The following TBC1D32 variants were observed in gnomAD, a reference collection of about 807,000 sequenced individuals.
The protein encoded by TBC1D32 is protein broad-minded.
TBC1D32 carries 151 observed loss-of-function variants against 170.3 expected under a neutral mutation model. The observed-to-expected ratio is 0.89, with a 90% CI of 0.78 to 1.01. The LOEUF (loss-of-function observed/expected upper bound fraction) is 1.01. Among genes scored for constraint, TBC1D32 ranks in the 50% least tolerant of loss-of-function variants. The pLI, the probability that TBC1D32 is intolerant of heterozygous loss-of-function variation, is 0.00. For synonymous variants in TBC1D32, 498 were observed against 488.0 expected (o/e 1.02, Z -0.27); for missense variants, 1,464 against 1,457.1 (o/e 1.00, Z -0.08).
chr6:121,122,989 G>T (rs2064773590), intron 26 of TBC1D32, among the ~76,000 whole-genome samples: 1 of 152,074 alleles, frequency 6.6e-6, no homozygotes. Context: ...AGAGGAATGA[G>T]TGGGTTAGAT....
Position 121,106,021 on chromosome 6 carries a change from A to G in TBC1D32, c.3465+2T>C. 6.2e-7 allele frequency: 1 copy of G among 1,603,200 alleles called. No homozygotes were observed. Among genetic ancestry groups the G allele is most frequent in the Non-Finnish European group, 8.5e-7 (1 of 1,172,770 alleles). On this transcript the variant is annotated splice_donor_variant, in intron 30 of 31. Coordinates refer to ENST00000398212, the MANE Select transcript of TBC1D32 (RefSeq NM_152730.6). LOFTEE classifies it high-confidence loss of function. The stretch of plus-strand genomic sequence containing the variant: ...GAGAAATGCTACTCCCTTATGGATT[A>G]CCTGTGATGGTGCAAAACCAGACAT...
chr6:121,321,535 C>T, intron 2 of TBC1D32, 98 bp downstream of exon 2: 1 of 1,141,920 alleles, frequency 8.8e-7, no homozygotes, highest in South Asian at 1.8e-5. Context: ...ATTCTGGCTG[C>T]TATGAGGGAA....
At chr6:121,195,275 C>T (rs191576476) in intron 22 of TBC1D32, among the ~76,000 whole-genome samples, 1 of 152,318 alleles carries the variant, frequency 6.6e-6, no homozygotes, top group African/African-American at 2.4e-5. Context: ...CTTAAGATAT[C>T]TGTTACAGAT....
intron 26 of TBC1D32, among the ~76,000 whole-genome samples, chr6:121,121,046 T>C (rs1780206107): frequency 6.6e-6 from 1 of 151,872 alleles, no homozygotes; most frequent in South Asian, 2.1e-4. Context: ...ATATAGTATG[T>C]GTATATATAT....
Position 121,286,359 on chromosome 6 carries a change from G to A in TBC1D32, c.1373-2449C>T, listed in dbSNP as rs139319148. ...GACGAATGCACAAGCCTCAGTAGCCGATTTGATCAACTGGAAGAAACGGTA... is the reference window on the plus strand; with the variant it reads ...GACGAATGCACAAGCCTCAGTAGCCAATTTGATCAACTGGAAGAAACGGTA... On this transcript the variant is annotated intron_variant, in intron 12 of 31. Transcript: ENST00000398212. Among the ~76,000 whole-genome samples, 1,475 of 152,276 alleles carry A rather than the reference G, an allele frequency of 9.7e-3. 29 individuals carry two copies. Among genetic ancestry groups the A allele is most frequent in the African/African-American group, 0.034 (1,393 of 41,538 alleles).
chr6:121,149,644 G>A (rs760511189), intron 24 of TBC1D32, among the ~76,000 whole-genome samples: 5 of 152,136 alleles, frequency 3.3e-5, no homozygotes, highest in South Asian at 4.1e-4. Context: ...GTACCATGCT[G>A]TTTCAGTTAC....
At chr6:121,093,592 A>G (rs1777064092) in intron 30 of TBC1D32, among the ~76,000 whole-genome samples, 1 of 152,182 alleles carries the variant, frequency 6.6e-6, no homozygotes, top group Admixed American at 6.6e-5. Flanking sequence ...AAGTTGATAA[A>G]GGTGTGGGGT....
intron 24 of TBC1D32, among the ~76,000 whole-genome samples, chr6:121,153,358 T>G (rs1278194088): frequency 6.6e-6 from 1 of 152,156 alleles, no homozygotes; most frequent in Non-Finnish European, 1.5e-5. Flanking sequence ...CTGTTCCTTC[T>G]TATGGAATCT....
chr6:121,087,273 C>T (rs927321750), intron 31 of TBC1D32, among the ~76,000 whole-genome samples: 2 of 152,172 alleles, frequency 1.3e-5, no homozygotes, highest in Admixed American at 6.5e-5. Context: ...CCCCATAAAC[C>T]AGTTCTGCCT....
chr6:121,286,024 C>A (rs779076248), intron 12 of TBC1D32, among the ~76,000 whole-genome samples: 2 of 152,084 alleles, frequency 1.3e-5, no homozygotes, highest in Non-Finnish European at 2.9e-5. Context: ...TAGATAAAAC[C>A]ACAAAGATGG....
intron 15 of TBC1D32, among the ~76,000 whole-genome samples, chr6:121,278,122 C>A (rs765890560): frequency 6.6e-6 from 1 of 152,038 alleles, no homozygotes. Flanking sequence ...TAACTAATAA[C>A]CTTCCAAAAT....
rs1473849712 is a variant in TBC1D32, at chr6:121,124,192, T to C, written c.2983+2186A>G. ...TTTCCTTCCATTTTAAAACTCCCTT[T>C]AGCACTTCTTGTATGTAGGTCTGAA... On this transcript the variant is annotated intron_variant, in intron 26 of 31. Coordinates refer to ENST00000398212, the MANE Select transcript of TBC1D32 (RefSeq NM_152730.6). Among the ~76,000 whole-genome samples the C allele has an allele frequency of 3.3e-5, 5 of 152,076 alleles. No individual in the cohort carries two copies. In the East Asian group the frequency reaches 7.7e-4, roughly 23 times the overall value.
intron 22 of TBC1D32, among the ~76,000 whole-genome samples, chr6:121,202,870 G>A (rs774264266): frequency 6.6e-6 from 1 of 151,262 alleles, no homozygotes; most frequent in Non-Finnish European, 1.5e-5. Flanking sequence ...TGCTGTTCAC[G>A]CCACATTTCA....
intron 17 of TBC1D32, among the ~76,000 whole-genome samples, chr6:121,244,503 T>A (rs775148369): frequency 1.2e-4 from 19 of 152,152 alleles, no homozygotes; most frequent in Non-Finnish European, 2.6e-4. Context: ...GGGGTGGTTT[T>A]CAGGCCACTG....
At chr6:121,293,606 C>A (rs1268124478) in intron 11 of TBC1D32, among the ~76,000 whole-genome samples, 1 of 152,078 alleles carries the variant, frequency 6.6e-6, no homozygotes, top group Non-Finnish European at 1.5e-5. Context: ...AGCAGGGAGG[C>A]CTTGAAATTT....
At chr6:121,162,891 C>A (rs1167387089) in intron 22 of TBC1D32, 1 of 107,706 alleles carries the variant, frequency 9.3e-6, no homozygotes, top group African/African-American at 3.0e-5. Context: ...CGAAGCAGGG[C>A]GAGGCATTGC....
chr6:121,285,135 G>A (rs1413081844), intron 12 of TBC1D32, among the ~76,000 whole-genome samples: 1 of 152,104 alleles, frequency 6.6e-6, no homozygotes, highest in Non-Finnish European at 1.5e-5. Flanking sequence ...GATAAGAATG[G>A]ATTTCACATT....
chr6:121,091,825 T>C (rs548658557), intron 30 of TBC1D32, among the ~76,000 whole-genome samples: 35 of 152,256 alleles, frequency 2.3e-4, no homozygotes, highest in South Asian at 1.9e-3. Context: ...ATAGGGTCTT[T>C]ACAGACGTAA....
intron 5 of TBC1D32, 114 bp downstream of exon 5, chr6:121,307,862 C>CAA: frequency 1.6e-6 from 2 of 1,225,134 alleles, no homozygotes; most frequent in African/African-American, 1.5e-5. Context: ...AACTCGGTCT[C>CAA]AAAAAAAACA....
Sources: gnomAD v4.1 joint callset for allele counts (sites outside exome capture counted in the v4.1 genomes callset) on GRCh38, gnomAD v4.1.1 for gene constraint, MANE v1.5 for transcripts, NCBI Gene and HGNC (gene_info 2026-07-23, HGNC 2026-07-21) for gene names.